The following BACH2 variants were observed in gnomAD, a reference collection of about 807,000 sequenced individuals.
BACH2 encodes the protein transcription regulator protein BACH2.
A neutral mutation model predicts 61.8 loss-of-function variants in BACH2; 5 were observed. The ratio of observed to expected loss-of-function variants is 0.08; its 90% CI spans 0.04 to 0.17. The LOEUF (loss-of-function observed/expected upper bound fraction) is 0.17. Among genes scored for constraint, BACH2 ranks in the 10% least tolerant of loss-of-function variants. The pLI is 1.00. For missense variants in BACH2, 824 were observed against 1,091.1 expected (o/e 0.76, Z 3.45); for synonymous variants, 446 against 440.1 (o/e 1.01, Z -0.17).
intron 7 of BACH2, among the ~76,000 whole-genome samples, chr6:89,945,489 C>T (rs1773668994): frequency 6.6e-6 from 1 of 152,144 alleles, no homozygotes; most frequent in Non-Finnish European, 1.5e-5. Flanking sequence ...ATACAAATGC[C>T]CCAAACAAGT....
intron 6 of BACH2, among the ~76,000 whole-genome samples, chr6:89,995,007 T>A (rs538900282): frequency 1.3e-5 from 2 of 152,280 alleles, no homozygotes; most frequent in South Asian, 4.1e-4. Flanking sequence ...TTTCTGATCA[T>A]CACCTTTCAT....
intron 4 of BACH2, among the ~76,000 whole-genome samples, chr6:90,135,478 G>A (rs376307966): frequency 2.0e-5 from 3 of 152,204 alleles, no homozygotes; most frequent in East Asian, 1.9e-4. Flanking sequence ...CTGTAATCCC[G>A]GCACTTTGGG....
chr6:90,188,148 C>T (rs1272528915), intron 4 of BACH2, among the ~76,000 whole-genome samples: 1 of 152,232 alleles, frequency 6.6e-6, no homozygotes, highest in Non-Finnish European at 1.5e-5. Context: ...CTTTTGGTGA[C>T]TGTCATACAG....
At chr6:89,954,279 T>C (rs1003865473) in intron 6 of BACH2, among the ~76,000 whole-genome samples, 16 of 150,922 alleles carry the variant, frequency 1.1e-4, no homozygotes, top group Middle Eastern at 3.5e-3. Flanking sequence ...ATGCTATTTA[T>C]ACTGTTCACA....
At chr6:90,067,645 T>C (rs144692402) in intron 5 of BACH2, among the ~76,000 whole-genome samples, 8 of 152,294 alleles carry the variant, frequency 5.3e-5, no homozygotes, top group African/African-American at 1.9e-4. Context: ...AAGTTCACTA[T>C]GAAATGAGAA....
chr6:90,129,126 A>C (rs555759081), intron 4 of BACH2, among the ~76,000 whole-genome samples: 5 of 152,256 alleles, frequency 3.3e-5, no homozygotes, highest in African/African-American at 1.2e-4. Flanking sequence ...CTAAATGACG[A>C]GTTAATGGGT....
chr6:90,080,530 A>G (rs1582325528), intron 5 of BACH2, among the ~76,000 whole-genome samples: 2 of 152,316 alleles, frequency 1.3e-5, no homozygotes, highest in East Asian at 3.9e-4. Flanking sequence ...AGGGGCACAG[A>G]GAAGATAGAG....
intron 4 of BACH2, among the ~76,000 whole-genome samples, chr6:90,193,286 T>C (rs1304004770): frequency 6.6e-6 from 1 of 152,142 alleles, no homozygotes; most frequent in African/African-American, 2.4e-5. Context: ...TTAGTTAAAA[T>C]GAGGTCATAC....
chr6:90,031,937 G>C (rs1034768995), intron 5 of BACH2, among the ~76,000 whole-genome samples: 1 of 152,128 alleles, frequency 6.6e-6, no homozygotes, highest in South Asian at 2.1e-4. Flanking sequence ...GAGGCATCAT[G>C]CTACCTGACT....
intron 5 of BACH2, among the ~76,000 whole-genome samples, chr6:90,073,735 T>C (rs1030948431): frequency 2.0e-5 from 3 of 152,028 alleles, no homozygotes; most frequent in Non-Finnish European, 4.4e-5. Context: ...TCCTTAAAGG[T>C]TCAAAGCAAA....
intron 5 of BACH2, among the ~76,000 whole-genome samples, chr6:90,035,372 G>A (rs1779212708): frequency 6.6e-6 from 1 of 152,110 alleles, no homozygotes; most frequent in African/African-American, 2.4e-5. Context: ...ATTTTCACCT[G>A]GGGATGAGCC....
chr6:89,937,254 C>T (rs1773080044), intron 8 of BACH2, among the ~76,000 whole-genome samples: 1 of 152,130 alleles, frequency 6.6e-6, no homozygotes, highest in African/African-American at 2.4e-5. Flanking sequence ...AATGGCCCCT[C>T]TGCAGGTAGG....
chr6:89,972,596 G>C (rs1042567928), intron 6 of BACH2, among the ~76,000 whole-genome samples: 5 of 152,180 alleles, frequency 3.3e-5, no homozygotes, highest in Non-Finnish European at 7.3e-5. Flanking sequence ...TTAGGTTTCA[G>C]AGTCATAAAT....
intron 6 of BACH2, among the ~76,000 whole-genome samples, chr6:89,980,938 GTTC>G (rs1190713991): frequency 2.0e-5 from 3 of 150,612 alleles, no homozygotes; most frequent in East Asian, 1.9e-4. Flanking sequence ...GGGTTAGAAT[GTTC>G]TTCTTCCTTG....
At chr6:89,970,702 C>G (rs1395719590) in intron 6 of BACH2, among the ~76,000 whole-genome samples, 1 of 152,126 alleles carries the variant, frequency 6.6e-6, no homozygotes, top group Non-Finnish European at 1.5e-5. Flanking sequence ...GTTTCTGGCC[C>G]CCCCCAGATC....
chr6:90,050,973 T>C (rs755730876), intron 5 of BACH2, among the ~76,000 whole-genome samples: 2 of 152,098 alleles, frequency 1.3e-5, no homozygotes, highest in African/African-American at 2.4e-5. Flanking sequence ...GGTTTCACCA[T>C]GTTGGCCAGG....
intron 6 of BACH2, among the ~76,000 whole-genome samples, chr6:90,004,841 G>A (rs1379625321): frequency 3.3e-5 from 5 of 152,082 alleles, no homozygotes; most frequent in Non-Finnish European, 7.4e-5. Flanking sequence ...AAAATTGAAT[G>A]ATCTGCTTTA....
intron 5 of BACH2, among the ~76,000 whole-genome samples, chr6:90,059,579 G>A (rs1780568960): frequency 1.3e-5 from 2 of 152,282 alleles, no homozygotes; most frequent in South Asian, 2.1e-4. Context: ...ATTCCTCAGG[G>A]ATCTAGGACT....
rs1348715079 is a variant in BACH2 at position 90,031,751 on chromosome 6, A to G, written c.-12-22895T>C. On this transcript the variant is annotated intron_variant, in intron 5 of 8. Coordinates refer to ENST00000257749, the MANE Select transcript of BACH2 (RefSeq NM_021813.4). ...CATTCCATGCTCATGGGTAGGAAGA[A>G]TCAATATCATGAAAATGGCCATACT... Among the ~76,000 whole-genome samples, 4 of 152,364 alleles carry G rather than the reference A, an allele frequency of 2.6e-5. No individual in the cohort carries two copies. The East Asian group carries it at 7.7e-4, about 29-fold the overall frequency.
Sources: gnomAD v4.1 joint callset for allele counts (sites outside exome capture counted in the v4.1 genomes callset) on GRCh38, gnomAD v4.1.1 for gene constraint, MANE v1.5 for transcripts, NCBI Gene and HGNC (gene_info 2026-07-23, HGNC 2026-07-21) for gene names.